DGKI: variants seen among roughly 807,000 people sequenced by gnomAD.
DGKI encodes the protein diacylglycerol kinase iota.
In DGKI, 55 loss-of-function variants were observed where a neutral mutation model predicts 147.5. That is an observed-to-expected ratio of 0.37 (90% CI 0.30 to 0.47). The LOEUF (loss-of-function observed/expected upper bound fraction) is 0.47, where lower values mean the gene tolerates loss of function less well. Ranked by LOEUF, DGKI falls within the 20% of genes least tolerant of loss-of-function variation. DGKI has a pLI of 1.00. For missense variants in DGKI, 1,007 were observed against 1,323.8 expected (o/e 0.76, Z 3.71); for synonymous variants, 469 against 477.1 (o/e 0.98, Z 0.22).
chr7:137,536,371 T>C (rs1231301345), intron 20 of DGKI, among the ~76,000 whole-genome samples: 1 of 152,150 alleles, frequency 6.6e-6, no homozygotes, highest in Non-Finnish European at 1.5e-5. Flanking sequence ...GTACATATTA[T>C]GTCTCTGACT....
intron 21 of DGKI, among the ~76,000 whole-genome samples, chr7:137,503,170 C>T (rs1267372069): frequency 6.6e-6 from 1 of 152,192 alleles, no homozygotes. Context: ...AAACTGCTGA[C>T]AGCCTTGCTA....
chr7:137,419,106 G>C (rs541267659), intron 28 of DGKI, among the ~76,000 whole-genome samples: 1 of 152,258 alleles, frequency 6.6e-6, no homozygotes, highest in Non-Finnish European at 1.5e-5. Flanking sequence ...CCCCAGGTCT[G>C]AGTTTCTTCC....
intron 2 of DGKI, among the ~76,000 whole-genome samples, chr7:137,684,330 T>G (rs1027076509): frequency 7.2e-5 from 11 of 152,240 alleles, no homozygotes; most frequent in Non-Finnish European, 1.3e-4. Flanking sequence ...CTAATAATTT[T>G]TATGTTGATT....
rs13231237 is a variant in DGKI, at chr7:137,457,322, T to A, written c.2735+6167A>T. Among the ~76,000 whole-genome samples, 1,022 of 152,366 alleles carry A rather than the reference T, an allele frequency of 6.7e-3. 9 individuals are homozygous for A. Among genetic ancestry groups the A allele is most frequent in the Non-Finnish European group, 0.011 (749 of 68,040 alleles). On this transcript the variant is annotated intron_variant, in intron 27 of 32. Transcript: ENST00000614521. ...GAAGATTAATTTTCTCCCGCTTATCTGATTGTGAAGCTGAAAGAATATTTC... is the reference window on the plus strand; with the variant it reads ...GAAGATTAATTTTCTCCCGCTTATCAGATTGTGAAGCTGAAAGAATATTTC...
At chr7:137,514,169 G>A (rs917114219) in intron 21 of DGKI, among the ~76,000 whole-genome samples, 2 of 152,028 alleles carry the variant, frequency 1.3e-5, no homozygotes, top group Admixed American at 6.6e-5. Context: ...GACTATTTCT[G>A]TGTTTATTTG....
chr7:137,751,399 G>A (rs914109177), intron 1 of DGKI, among the ~76,000 whole-genome samples: 7 of 152,140 alleles, frequency 4.6e-5, no homozygotes, highest in Admixed American at 2.6e-4. Context: ...TCCATTCACC[G>A]AGTACCTCTC....
intron 30 of DGKI, among the ~76,000 whole-genome samples, chr7:137,404,511 C>T (rs558452818): frequency 6.6e-6 from 1 of 152,274 alleles, no homozygotes; most frequent in African/African-American, 2.4e-5. Context: ...TTGGACTGAA[C>T]ATCATAATAA....
chr7:137,697,770 TGGA>T (rs1256432881), intron 1 of DGKI, among the ~76,000 whole-genome samples: 5 of 152,120 alleles, frequency 3.3e-5, no homozygotes, highest in Non-Finnish European at 5.9e-5. Flanking sequence ...CTGCTTTTAT[TGGA>T]GGAGACTAAT....
chr7:137,507,501 C>T (rs1585181441), intron 21 of DGKI, among the ~76,000 whole-genome samples: 1 of 152,082 alleles, frequency 6.6e-6, no homozygotes, highest in African/African-American at 2.4e-5. Flanking sequence ...AAAAAAAATC[C>T]TCTTAAATGC....
chr7:137,748,112 A>G (rs1700987499), intron 1 of DGKI, among the ~76,000 whole-genome samples: 1 of 152,144 alleles, frequency 6.6e-6, no homozygotes, highest in Admixed American at 6.5e-5. Context: ...ATATAACATC[A>G]TTTTATCATT....
intron 1 of DGKI, among the ~76,000 whole-genome samples, chr7:137,776,786 G>A (rs1465668735): frequency 6.6e-6 from 1 of 152,118 alleles, no homozygotes; most frequent in African/African-American, 2.4e-5. Context: ...ATTTGAGGGG[G>A]CAGGTGTATG....
chr7:137,442,757 CCTT>C (rs1317883477), intron 28 of DGKI, among the ~76,000 whole-genome samples: 1 of 152,220 alleles, frequency 6.6e-6, no homozygotes, highest in East Asian at 1.9e-4. Context: ...GCCTAAAACT[CCTT>C]CTCCCTTTTC....
intron 1 of DGKI, among the ~76,000 whole-genome samples, chr7:137,806,347 T>C (rs527721357): frequency 6.6e-6 from 1 of 152,322 alleles, no homozygotes; most frequent in African/African-American, 2.4e-5. Context: ...ACAGCTTAAG[T>C]GATGGAGTCA....
Position 137,569,369 on chromosome 7 carries a change from A to T in DGKI, c.1947+1806T>A, listed in dbSNP as rs538785920. 2.6e-5 allele frequency among the ~76,000 whole-genome samples: 4 copies of T among 152,224 alleles called. No individual in the cohort carries two copies. The South Asian group carries it at 8.3e-4, about 32-fold the overall frequency. ...CTCGATCAGTGAATAAAGAATAAGTAACCCACGTATGGACAGTTTAGAGAG... is the reference window on the plus strand; with the variant it reads ...CTCGATCAGTGAATAAAGAATAAGTTACCCACGTATGGACAGTTTAGAGAG... On this transcript the variant is annotated intron_variant, in intron 19 of 32. Coordinates refer to ENST00000614521, the MANE Select transcript of DGKI (RefSeq NM_001321708.2).
chr7:137,750,312 C>T lies in DGKI; in HGVS notation c.402-60310G>A, dbSNP rs538790867. 2.6e-5 allele frequency among the ~76,000 whole-genome samples: 4 copies of T among 152,266 alleles called. No homozygotes were observed. The South Asian group carries it at 8.3e-4, about 32-fold the overall frequency. On this transcript the variant is annotated intron_variant, in intron 1 of 32. Transcript: ENST00000614521. ...TCCTACTCCTGGTTCAGTGCTTCAA[C>T]CTGGCAGATTCCAAATGGCTTCACC...
intron 12 of DGKI, among the ~76,000 whole-genome samples, chr7:137,592,968 T>C (rs1170800427): frequency 1.3e-5 from 2 of 152,056 alleles, no homozygotes; most frequent in Non-Finnish European, 2.9e-5. Flanking sequence ...TGAGGATGAA[T>C]GAGGAAAGGG....
chr7:137,520,221 A>G (rs746765052), intron 21 of DGKI, among the ~76,000 whole-genome samples: 2 of 152,100 alleles, frequency 1.3e-5, no homozygotes, highest in African/African-American at 2.4e-5. Context: ...CTCCAAATTG[A>G]ATTTCTTCAG....
At chr7:137,773,542 A>G (rs1354374433) in intron 1 of DGKI, among the ~76,000 whole-genome samples, 1 of 152,194 alleles carries the variant, frequency 6.6e-6, no homozygotes, top group Admixed American at 6.5e-5. Context: ...GATGTTGATC[A>G]GGCAGCTGAA....
intron 6 of DGKI, among the ~76,000 whole-genome samples, chr7:137,638,567 C>T (rs1585315251): frequency 1.8e-4 from 6 of 33,128 alleles, no homozygotes; most frequent in South Asian, 1.0e-3. Context: ...TATATATACA[C>T]ACATATATGT....
Sources: allele counts gnomAD v4.1 joint callset (sites outside exome capture counted in the v4.1 genomes callset), GRCh38; gene constraint gnomAD v4.1.1; transcripts MANE v1.5; gene names NCBI Gene and HGNC (gene_info 2026-07-23, HGNC 2026-07-21).